Variants in DPP6 observed in about 807,000 individuals in gnomAD.
The protein encoded by DPP6 is A-type potassium channel modulatory protein DPP6.
Under a neutral mutation model 122.6 loss-of-function variants are expected in DPP6, and 69 were observed. The observed-to-expected ratio is 0.56, with a 90% CI of 0.46 to 0.69. DPP6 has a LOEUF of 0.69. Among genes scored for constraint, DPP6 ranks in the 30% least tolerant of loss-of-function variants. DPP6 has a pLI of 0.00. For missense variants in DPP6, 928 were observed against 1,116.9 expected (o/e 0.83, Z 2.41); for synonymous variants, 418 against 433.1 (o/e 0.97, Z 0.43).
chr7:154,226,215 T>C (rs76464750), intron 1 of DPP6, among the ~76,000 whole-genome samples: 1 of 152,104 alleles, frequency 6.6e-6, no homozygotes, highest in Non-Finnish European at 1.5e-5. Flanking sequence ...AATGGCATCA[T>C]GTCTGCAAGG....
intron 13 of DPP6, among the ~76,000 whole-genome samples, chr7:154,803,275 C>T (rs1177268506): frequency 6.6e-6 from 1 of 152,220 alleles, no homozygotes; most frequent in East Asian, 1.9e-4. Context: ...CTGTCTCTCT[C>T]TTCTGTTACC....
In DPP6 at chr7:154,795,746, A is replaced by G. The variant is rs143987298; in HGVS notation, c.1261-99A>G. On this transcript the variant is annotated intron_variant, in intron 11 of 25. Coordinates refer to ENST00000377770, the MANE Select transcript of DPP6 (RefSeq NM_130797.4). ...GCAGCGGCCATGTAGGTGAAGCCAA[A>G]TTGTTTCCTGCACTGTCGGTCACAG... is the stretch of plus-strand genomic sequence containing the variant. 4.7e-4 allele frequency: 718 copies of G among 1,518,090 alleles called. 1 individual carries two copies. The African/African-American group carries it at 8.0e-3, about 17-fold the overall frequency. The allele number at this position is 1,518,090 out of a possible 1,614,324, so 94.0% of individuals were successfully genotyped here.
intron 1 of DPP6, among the ~76,000 whole-genome samples, chr7:154,063,975 G>A (rs148915084): frequency 0.018 from 2,722 of 152,038 alleles, 44 homozygotes; most frequent in South Asian, 0.025. Context: ...GAGCCCTAGA[G>A]CAAACGCAAA....
intron 1 of DPP6, among the ~76,000 whole-genome samples, chr7:153,974,170 T>C (rs1024586304): frequency 1.3e-5 from 2 of 152,182 alleles, no homozygotes; most frequent in Non-Finnish European, 2.9e-5. Context: ...GTTGGGCCTA[T>C]TTAAGGCACT....
rs562433042 is a variant in DPP6, at chr7:154,403,019, G to A, written c.244-43195G>A. On this transcript the variant is annotated intron_variant, in intron 1 of 25. Transcript: ENST00000377770. The surrounding 1 kb of genome is among the most constrained non-coding windows in gnomAD (Gnocchi z 4.1). The stretch of plus-strand genomic sequence containing the variant: ...TTAGGCATTTGCCCAAGATTATGAT[G>A]TGTAAAACAGAGATGCTAATAGCTA... 1.9e-4 allele frequency among the ~76,000 whole-genome samples: 29 copies of A among 152,300 alleles called. No individual in the cohort carries two copies. Among genetic ancestry groups the A allele is most frequent in the South Asian group, 6.2e-4 (3 of 4,830 alleles).
intron 1 of DPP6, among the ~76,000 whole-genome samples, chr7:154,067,011 C>CAATTTTA (rs1174957737): frequency 2.2e-5 from 3 of 138,582 alleles, no homozygotes; most frequent in African/African-American, 5.6e-5. Context: ...TTGAGGAACT[C>CAATTTTA]AATTTTAAAT....
At chr7:153,915,067 C>T (rs1387172028) in intron 1 of DPP6, among the ~76,000 whole-genome samples, 2 of 152,164 alleles carry the variant, frequency 1.3e-5, no homozygotes, top group Non-Finnish European at 2.9e-5. Flanking sequence ...CGTGTGATTT[C>T]TCTTGGAGGA....
At chr7:154,267,879 A>G (rs1305882367) in intron 1 of DPP6, among the ~76,000 whole-genome samples, 1 of 130,258 alleles carries the variant, frequency 7.7e-6, no homozygotes, top group African/African-American at 2.9e-5. Flanking sequence ...GTATATATTT[A>G]TCCCTTATAA....
intron 20 of DPP6, 50 bp from the exon 21 acceptor site, chr7:154,880,838 G>A: frequency 6.2e-7 from 1 of 1,613,952 alleles, no homozygotes; most frequent in Non-Finnish European, 8.5e-7. Flanking sequence ...GGAAGACAAA[G>A]TGGCAGCAGG....
chr7:154,772,794 A>G, intron 9 of DPP6, 51 bp from the exon 10 acceptor site: 1 of 1,582,500 alleles, frequency 6.3e-7, no homozygotes, highest in Non-Finnish European at 8.6e-7. Context: ...GCTGAAGTTC[A>G]CTCTTGTATA....
At chr7:154,504,332 G>T (rs1026843574) in intron 3 of DPP6, among the ~76,000 whole-genome samples, 4 of 152,132 alleles carry the variant, frequency 2.6e-5, no homozygotes, top group Non-Finnish European at 4.4e-5. Context: ...TGTTAACTAG[G>T]TGTATGATTT....
intron 3 of DPP6, among the ~76,000 whole-genome samples, chr7:154,523,990 A>C (rs1827207760): frequency 6.6e-6 from 1 of 152,196 alleles, no homozygotes; most frequent in Non-Finnish European, 1.5e-5. Flanking sequence ...CAGGGGCTAC[A>C]AAGCGGTGAT....
At chr7:154,183,863 A>G (rs549936224) in intron 1 of DPP6, among the ~76,000 whole-genome samples, 34 of 152,318 alleles carry the variant, frequency 2.2e-4, no homozygotes, top group Admixed American at 8.5e-4. Context: ...AGTGTAAAGA[A>G]CTGTGGGTCA....
chr7:154,836,166 C>G (rs1381113325), intron 16 of DPP6, among the ~76,000 whole-genome samples: 1 of 152,228 alleles, frequency 6.6e-6, no homozygotes, highest in Non-Finnish European at 1.5e-5. Context: ...TGCCTGCCTG[C>G]CCGCCGCCTG....
At chr7:154,157,195 A>T (rs1796727883) in intron 1 of DPP6, among the ~76,000 whole-genome samples, 1 of 152,288 alleles carries the variant, frequency 6.6e-6, no homozygotes, top group African/African-American at 2.4e-5. Flanking sequence ...CATATGTGAC[A>T]CATCCTTATC....
At chr7:154,361,770 T>C (rs1377756521) in intron 1 of DPP6, among the ~76,000 whole-genome samples, 2 of 152,258 alleles carry the variant, frequency 1.3e-5, no homozygotes, top group Non-Finnish European at 2.9e-5. Context: ...CTTACACTTA[T>C]AAACTTATTT....
At position 154,889,326 on chromosome 7, in the gene DPP6, A is replaced by C; in HGVS notation, c.2359A>C (p.Ile787Leu). ...GCTGGAAGAACAGCAGTTCCTGATCATTCATCCCACTGCCGATGGTAAGGA... is the reference window on the plus strand; with the variant it reads ...GCTGGAAGAACAGCAGTTCCTGATCCTTCATCCCACTGCCGATGGTAAGGA... ...SALEEQQFLI[I>L]HPTADEKIHF... The change falls in exon 24 of 26, where the codon ATT (isoleucine) becomes CTT (leucine). Residue 787 changes from isoleucine (I) to leucine (L), a missense_variant. Coordinates refer to ENST00000377770, the MANE Select transcript of DPP6 (RefSeq NM_130797.4). The C allele has an allele frequency of 6.2e-7, 1 of 1,612,518 alleles. No homozygotes were observed. The highest frequency in any genetic ancestry group is 8.5e-7 in the Non-Finnish European group (1 of 1,179,648).
chr7:153,983,893 C>G (rs1013960075), intron 1 of DPP6, among the ~76,000 whole-genome samples: 1 of 152,016 alleles, frequency 6.6e-6, no homozygotes, highest in African/African-American at 2.4e-5. Context: ...CTAACCAGTC[C>G]CAGTGAGACG....
In DPP6 at chr7:154,463,304, T is replaced by C. The variant is rs1384912644; in HGVS notation, c.359-11635T>C. 2.1e-5 allele frequency among the ~76,000 whole-genome samples: 3 copies of C among 145,106 alleles called. No individual in the cohort carries two copies. In the Admixed American group the frequency reaches 2.1e-4, roughly 10 times the overall value. ...CTCACTGCAAGCTCCGCCTCCCGGGTTCACGCCATTCTCCTGCCTCAGCCT... is the reference window on the plus strand; with the variant it reads ...CTCACTGCAAGCTCCGCCTCCCGGGCTCACGCCATTCTCCTGCCTCAGCCT... On this transcript the variant is annotated intron_variant, in intron 2 of 25. Transcript: ENST00000377770.
Sources: allele counts gnomAD v4.1 joint callset (sites outside exome capture counted in the v4.1 genomes callset), GRCh38; gene constraint gnomAD v4.1.1; non-coding constraint Gnocchi (gnomAD v3.1); transcripts MANE v1.5; gene names NCBI Gene and HGNC (gene_info 2026-07-23, HGNC 2026-07-21).